The following DOCK7 variants were observed in gnomAD, a reference collection of about 807,000 sequenced individuals.
DOCK7 encodes the protein dedicator of cytokinesis protein 7.
In DOCK7, 138 loss-of-function variants were observed where a neutral mutation model predicts 271.0. The observed-to-expected ratio is 0.51, with a 90% CI of 0.44 to 0.59. The LOEUF (loss-of-function observed/expected upper bound fraction) is 0.59, where lower values mean the gene tolerates loss of function less well. Ranked by LOEUF, DOCK7 falls within the 20% of genes least tolerant of loss-of-function variation. The pLI is 0.00. For missense variants in DOCK7, 2,066 were observed against 2,592.4 expected, an observed-to-expected ratio of 0.80 and a Z score of 4.41; for synonymous variants, 823 against 876.1, an observed-to-expected ratio of 0.94 and a Z score of 1.07.
intron 28 of DOCK7, among the ~76,000 whole-genome samples, chr1:62,535,878 C>A (rs988714541): frequency 3.3e-5 from 5 of 152,096 alleles, no homozygotes; most frequent in African/African-American, 1.2e-4. Flanking sequence ...TCTTTTTTCA[C>A]ATATACTTTC....
At chr1:62,600,842 G>A (rs567906419) in intron 14 of DOCK7, among the ~76,000 whole-genome samples, 18 of 151,718 alleles carry the variant, frequency 1.2e-4, no homozygotes, top group African/African-American at 3.6e-4. Flanking sequence ...TCTGTTTTCC[G>A]ACCAATGTCT....
At chr1:62,493,447 G>T (rs1646523067) in intron 40 of DOCK7, among the ~76,000 whole-genome samples, 1 of 151,990 alleles carries the variant, frequency 6.6e-6, no homozygotes, top group South Asian at 2.1e-4. Context: ...GATTTCCACG[G>T]AATCTCTTTT....
chr1:62,524,935 A>G (rs1571399369), intron 31 of DOCK7, among the ~76,000 whole-genome samples: 1 of 19,298 alleles, frequency 5.2e-5, no homozygotes, highest in East Asian at 4.3e-3. Context: ...ACCAAACTAT[A>G]TATATATATA....
chr1:62,543,449 G>C, intron 24 of DOCK7: 1 of 376,212 alleles, frequency 2.7e-6, no homozygotes, highest in Non-Finnish European at 4.8e-6. Context: ...CAATCCCAAA[G>C]ATATAAACAT....
Position 62,653,926 on chromosome 1 carries a change from T to C in DOCK7, c.320+58A>G, listed in dbSNP as rs540426727. The stretch of plus-strand genomic sequence containing the variant: ...AAGAAGTAGGCTCTAAATAAAATAA[T>C]GGAAGGTAGCCTTTCTATAGTTCCT... On this transcript the variant is annotated intron_variant, in intron 3 of 49. Transcript: ENST00000635253. 23 of 1,564,940 alleles carry C rather than the reference T, an allele frequency of 1.5e-5. 1 individual carries two copies. In the South Asian group the frequency reaches 2.5e-4, roughly 17 times the overall value.
At chr1:62,586,445 A>G (rs1647535191) in intron 15 of DOCK7, 62 bp downstream of exon 15, 1 of 1,290,272 alleles carries the variant, frequency 7.8e-7, no homozygotes, top group Admixed American at 2.3e-5. Flanking sequence ...AACCAAAGAG[A>G]AAGAAAAAAG....
chr1:62,584,281 A>G (rs1647252953), intron 15 of DOCK7: 1 of 974,444 alleles, frequency 1.0e-6, no homozygotes, highest in Non-Finnish European at 1.2e-6. Flanking sequence ...ATATTATTTC[A>G]TCAATTTACA....
intron 34 of DOCK7, among the ~76,000 whole-genome samples, chr1:62,508,317 A>T (rs1369687439): frequency 6.6e-6 from 1 of 152,224 alleles, no homozygotes; most frequent in African/African-American, 2.4e-5. Flanking sequence ...TTTAGCTTTC[A>T]AACATGCAGC....
At chr1:62,629,988 C>T (rs567933700) in intron 11 of DOCK7, among the ~76,000 whole-genome samples, 3 of 152,222 alleles carry the variant, frequency 2.0e-5, no homozygotes, top group Admixed American at 6.5e-5. Context: ...CACAAATGGC[C>T]GAAGCCTGTT....
At chr1:62,477,310 G>A (rs1645995311) in intron 44 of DOCK7, among the ~76,000 whole-genome samples, 2 of 152,154 alleles carry the variant, frequency 1.3e-5, no homozygotes, top group South Asian at 4.1e-4. Context: ...AACCAGTTAA[G>A]CCAAAGAGAT....
intron 12 of DOCK7, among the ~76,000 whole-genome samples, chr1:62,624,602 G>A (rs1352854792): frequency 6.6e-6 from 1 of 152,136 alleles, no homozygotes; most frequent in South Asian, 2.1e-4. Context: ...GTGTGGGGAA[G>A]ACATGTAGGC....
At chr1:62,477,315 A>C (rs186679142) in intron 44 of DOCK7, among the ~76,000 whole-genome samples, 1 of 152,288 alleles carries the variant, frequency 6.6e-6, no homozygotes, top group Non-Finnish European at 1.5e-5. Context: ...GTTAAGCCAA[A>C]GAGATAATAT....
At chr1:62,662,123 A>G (rs954275541) in intron 2 of DOCK7, among the ~76,000 whole-genome samples, 6 of 152,216 alleles carry the variant, frequency 3.9e-5, no homozygotes, top group African/African-American at 1.4e-4. Context: ...GGAAAATGCT[A>G]ATATATAACT....
At chr1:62,655,027 T>C (rs993138142) in intron 2 of DOCK7, among the ~76,000 whole-genome samples, 4 of 152,240 alleles carry the variant, frequency 2.6e-5, no homozygotes, top group Non-Finnish European at 5.9e-5. Flanking sequence ...TTTTGGCCTC[T>C]AGCACTGTGA....
At chr1:62,496,518 A>AG in intron 37 of DOCK7, 21 bp from the exon 38 acceptor site, 4 of 1,601,558 alleles carry the variant, frequency 2.5e-6, no homozygotes, top group Non-Finnish European at 3.4e-6. Context: ...GAAATTGTCC[A>AG]GTCAATACTT....
Position 62,620,073 on chromosome 1 carries a change from A to G in DOCK7, c.1426-80T>C. 3 of 1,140,064 alleles carry G rather than the reference A, an allele frequency of 2.6e-6. 1 individual carries two copies. In the South Asian group the frequency reaches 4.3e-5, roughly 16 times the overall value. 70.6% of individuals were successfully genotyped at this position (1,140,064 alleles called of 1,614,324 possible). A position where few individuals can be genotyped will look rare whatever the true frequency, so the allele number is the denominator to read the frequency against. On this transcript the variant is annotated intron_variant, in intron 12 of 49. Transcript: ENST00000635253. ...AGTGGCTCACGCCTGTAATCCTAGC[A>G]CTTTGGGAGGCTGAGGCGGGCGGAT...
At chr1:62,459,826 G>A (rs775293108) in intron 48 of DOCK7, among the ~76,000 whole-genome samples, 30 of 152,082 alleles carry the variant, frequency 2.0e-4, no homozygotes, top group Non-Finnish European at 3.7e-4. Flanking sequence ...CAGGCCGGGT[G>A]CAGTGGCTCA....
chr1:62,663,157 G>T, intron 1 of DOCK7, 27 bp from the exon 2 acceptor site: 2 of 1,436,140 alleles, frequency 1.4e-6, no homozygotes, highest in Non-Finnish European at 9.5e-7. Flanking sequence ...AAAAACATAC[G>T]CATTATTGAA....
intron 14 of DOCK7, among the ~76,000 whole-genome samples, chr1:62,611,260 T>C (rs1361643108): frequency 6.6e-6 from 1 of 152,236 alleles, no homozygotes; most frequent in East Asian, 1.9e-4. Flanking sequence ...TTTGTTATTC[T>C]ATATATTTTA....
Sources: gnomAD v4.1 joint callset for allele counts (sites outside exome capture counted in the v4.1 genomes callset) on GRCh38, gnomAD v4.1.1 for gene constraint, MANE v1.5 for transcripts, NCBI Gene and HGNC (gene_info 2026-07-23, HGNC 2026-07-21) for gene names.